The following CNBD1 variants were observed in gnomAD, a reference collection of about 807,000 sequenced individuals.
The protein encoded by CNBD1 is cyclic nucleotide binding domain containing 1.
CNBD1 carries 71 observed loss-of-function variants against 54.4 expected under a neutral mutation model. The ratio of observed to expected loss-of-function variants is 1.30; its 90% CI spans 1.08 to 1.59. The LOEUF (loss-of-function observed/expected upper bound fraction) is 1.59, where lower values mean the gene tolerates loss of function less well. Among genes scored for constraint, CNBD1 ranks in the 40% most tolerant of loss-of-function variants. The pLI, the probability that CNBD1 is intolerant of heterozygous loss-of-function variation, is 0.00. For synonymous variants in CNBD1, 182 were observed against 170.7 expected (o/e 1.07, Z -0.51); for missense variants, 659 against 518.0 (o/e 1.27, Z -2.64).
chr8:87,307,795 C>A (rs2336993), intron 8 of CNBD1, among the ~76,000 whole-genome samples: 25,691 of 149,098 alleles, frequency 0.17, 3,274 homozygotes, highest in African/African-American at 0.37. Context: ...AAGAAAGCTT[C>A]ATGGATTCTA....
intron 10 of CNBD1, among the ~76,000 whole-genome samples, chr8:87,362,751 T>C (rs967697739): frequency 6.6e-6 from 1 of 152,082 alleles, no homozygotes; most frequent in African/African-American, 2.4e-5. Context: ...TAAATTTATA[T>C]CCTTTTAGAT....
intron 8 of CNBD1, among the ~76,000 whole-genome samples, chr8:87,347,148 T>C (rs1443544229): frequency 6.6e-6 from 1 of 152,200 alleles, no homozygotes; most frequent in African/African-American, 2.4e-5. Flanking sequence ...CAGATACAAC[T>C]GTACACTTTC....
At position 86,877,071 on chromosome 8, in the gene CNBD1, C is replaced by T. The variant is rs371596520; in HGVS notation, c.89-10471C>T. On this transcript the variant is annotated intron_variant, in intron 1 of 10. Coordinates refer to ENST00000518476, the MANE Select transcript of CNBD1 (RefSeq NM_173538.3). Reference sequence around the variant, plus strand: ...GAAATGAGAAAAATTTCCCTCTTCACATGTTGATTTTGTTGCAACAAATAT... The same window carrying T: ...GAAATGAGAAAAATTTCCCTCTTCATATGTTGATTTTGTTGCAACAAATAT... Among the ~76,000 whole-genome samples, 3 of 152,016 alleles carry T rather than the reference C, an allele frequency of 2.0e-5. No individual in the cohort carries two copies. The East Asian group carries it at 5.8e-4, about 29-fold the overall frequency.
chr8:87,391,666 T>C (rs1214663963), intron 2 of CNBD1, among the ~76,000 whole-genome samples: 1 of 152,020 alleles, frequency 6.6e-6, no homozygotes, highest in Non-Finnish European at 1.5e-5. Context: ...GATCCACACT[T>C]TGCACAAAAA....
intron 2 of CNBD1, among the ~76,000 whole-genome samples, chr8:87,391,687 A>G (rs950894441): frequency 5.9e-5 from 9 of 152,024 alleles, no homozygotes; most frequent in South Asian, 2.1e-4. Flanking sequence ...TTGACTCTAA[A>G]TGGGTCGTAG....
At chr8:87,423,162 A>C (rs945156102) in intron 2 of CNBD1, among the ~76,000 whole-genome samples, 5 of 152,170 alleles carry the variant, frequency 3.3e-5, no homozygotes, top group Non-Finnish European at 5.9e-5. Context: ...TATCAGCTTT[A>C]AGGAGATTTT....
chr8:87,266,388 G>A (rs540815645), intron 6 of CNBD1, among the ~76,000 whole-genome samples: 6 of 124,984 alleles, frequency 4.8e-5, no homozygotes, highest in Non-Finnish European at 7.9e-5. Context: ...TAAGCACACT[G>A]ATATGTAAGC....
Position 86,909,785 on chromosome 8 carries a change from T to C in CNBD1, c.272+4591T>C, listed in dbSNP as rs1809073934. Among the ~76,000 whole-genome samples the C allele has an allele frequency of 2.0e-5, 3 of 152,352 alleles. No homozygotes were observed. The South Asian group carries it at 6.2e-4, about 32-fold the overall frequency. On this transcript the variant is annotated intron_variant, in intron 3 of 10. Coordinates refer to ENST00000518476, the MANE Select transcript of CNBD1 (RefSeq NM_173538.3). ...TTAAGATAGAAAGTTATGATGCTTG[T>C]AGTTTAAATACATAGAAGAGAAACA...
chr8:87,305,365 C>A, intron 8 of CNBD1, among the ~76,000 whole-genome samples: 1 of 152,022 alleles, frequency 6.6e-6, no homozygotes, highest in East Asian at 1.9e-4. Flanking sequence ...CACTTCCCAT[C>A]AAAATACCAC....
chr8:87,037,289 C>T (rs2130603866), intron 4 of CNBD1, among the ~76,000 whole-genome samples: 1 of 152,024 alleles, frequency 6.6e-6, no homozygotes, highest in East Asian at 1.9e-4. Flanking sequence ...TTCTAGAGTT[C>T]TGAAGCTTTG....
At chr8:87,223,581 T>G (rs1814398890) in intron 5 of CNBD1, among the ~76,000 whole-genome samples, 1 of 152,330 alleles carries the variant, frequency 6.6e-6, no homozygotes, top group Admixed American at 6.5e-5. Flanking sequence ...TCATCCTTTT[T>G]TATGGCTACA....
intron 4 of CNBD1, among the ~76,000 whole-genome samples, chr8:87,091,070 G>A (rs1231439076): frequency 6.7e-6 from 1 of 149,604 alleles, no homozygotes; most frequent in African/African-American, 2.5e-5. Context: ...AACTCAGGAG[G>A]TAGAGGTTGC....
chr8:87,183,362 G>T (rs1420622555), intron 4 of CNBD1, among the ~76,000 whole-genome samples: 1 of 132,004 alleles, frequency 7.6e-6, no homozygotes. Flanking sequence ...TTGTTTGTTT[G>T]TTTGTTTGTT....
intron 2 of CNBD1, among the ~76,000 whole-genome samples, chr8:87,414,790 AT>A (rs10709999): frequency 0.57 from 85,956 of 151,836 alleles, 25,840 homozygotes; most frequent in African/African-American, 0.77. Flanking sequence ...TTTAAAAAGG[AT>A]TTTTTTTACA....
At chr8:86,923,911 A>T (rs1394796946) in intron 3 of CNBD1, among the ~76,000 whole-genome samples, 2 of 152,180 alleles carry the variant, frequency 1.3e-5, no homozygotes, top group Non-Finnish European at 2.9e-5. Flanking sequence ...TTTCCATGGG[A>T]CTGTATCAAG....
chr8:87,388,426 C>A (rs1454740486), intron 2 of CNBD1, among the ~76,000 whole-genome samples: 1 of 152,020 alleles, frequency 6.6e-6, no homozygotes, highest in African/African-American at 2.4e-5. Flanking sequence ...GATATCACCA[C>A]CGATCCCACA....
At chr8:87,145,785 G>C (rs1469344426) in intron 4 of CNBD1, among the ~76,000 whole-genome samples, 3 of 152,028 alleles carry the variant, frequency 2.0e-5, no homozygotes, top group Admixed American at 1.3e-4. Context: ...CTGGGTTGTC[G>C]ACCTTTGGGG....
rs539982070 is a variant in CNBD1 at position 87,349,850 on chromosome 8, A to C, written c.1043-1835A>C. Among the ~76,000 whole-genome samples, 5 of 152,318 alleles carry C rather than the reference A, an allele frequency of 3.3e-5. 1 individual carries two copies. In the South Asian group the frequency reaches 1.0e-3, roughly 32 times the overall value. On this transcript the variant is annotated intron_variant, in intron 8 of 10. Coordinates refer to ENST00000518476, the MANE Select transcript of CNBD1 (RefSeq NM_173538.3). The stretch of plus-strand genomic sequence containing the variant: ...AATGAGACTGCGTCATAGATTTTGC[A>C]ACAATGGTTTGGGTTTTCCAATTTT...
At chr8:86,966,184 G>A (rs1369716831) in intron 4 of CNBD1, among the ~76,000 whole-genome samples, 1 of 152,178 alleles carries the variant, frequency 6.6e-6, no homozygotes, top group African/African-American at 2.4e-5. Flanking sequence ...TTGGCCTGAA[G>A]GTGGGGGTTC....
Sources: allele counts gnomAD v4.1 joint callset (sites outside exome capture counted in the v4.1 genomes callset), GRCh38; gene constraint gnomAD v4.1.1; transcripts MANE v1.5; gene names NCBI Gene and HGNC (gene_info 2026-07-23, HGNC 2026-07-21).